PARVG: variants seen among roughly 807,000 people sequenced by gnomAD.
PARVG encodes the protein parvin gamma, also known as gamma-parvin.
PARVG carries 36 observed loss-of-function variants against 44.4 expected under a neutral mutation model. The observed-to-expected ratio is 0.81, with a 90% CI of 0.62 to 1.07. PARVG has a LOEUF of 1.07. Among genes scored for constraint, PARVG ranks in the 50% least tolerant of loss-of-function variants. The pLI, the probability that PARVG is intolerant of heterozygous loss-of-function variation, is 0.00. For synonymous variants in PARVG, 170 were observed against 174.1 expected, an observed-to-expected ratio of 0.98 and a Z score of 0.19; for missense variants, 407 against 407.4, an observed-to-expected ratio of 1.00 and a Z score of 0.01.
chr22:44,175,696 G>C (rs898200639), intron 1 of PARVG, among the ~76,000 whole-genome samples: 2 of 152,158 alleles, frequency 1.3e-5, no homozygotes, highest in African/African-American at 4.8e-5. Flanking sequence ...GGGGGGTGGG[G>C]GTGTGCTAGG....
chr22:44,174,524 T>A (rs1252400069), intron 1 of PARVG, among the ~76,000 whole-genome samples: 1 of 150,192 alleles, frequency 6.7e-6, no homozygotes, highest in African/African-American at 2.5e-5. Flanking sequence ...CTGGCCAACA[T>A]GACAAAACCC....
upstream of PARVG, among the ~76,000 whole-genome samples, chr22:44,179,681 A>T (rs2054351479): frequency 6.6e-6 from 1 of 152,224 alleles, no homozygotes; most frequent in East Asian, 1.9e-4. This position sits in a 1 kb window ranked among gnomAD's most constrained non-coding sequence, Gnocchi z 4.2. Flanking sequence ...ATCAACCAGA[A>T]CAAGTAACCA....
chr22:44,184,497 C>A (rs112493855), intron 3 of PARVG: 1 of 152,202 alleles, frequency 6.6e-6, no homozygotes, highest in Non-Finnish European at 1.5e-5. Flanking sequence ...TGCCACCACA[C>A]CTGGCTAATT....
chr22:44,176,559 G>A (rs1375082267), upstream of PARVG, among the ~76,000 whole-genome samples: 1 of 150,724 alleles, frequency 6.6e-6, no homozygotes, highest in Non-Finnish European at 1.5e-5. Context: ...AGCATCTGAA[G>A]GAGCAATGTG....
intron 7 of PARVG, 35 bp from the exon 8 acceptor site, chr22:44,192,014 G>C: frequency 6.2e-7 from 1 of 1,611,396 alleles, no homozygotes; most frequent in Non-Finnish European, 8.5e-7. Context: ...GAGTTTTCTG[G>C]ATTATTTAAT....
intron 12 of PARVG, among the ~76,000 whole-genome samples, chr22:44,201,767 C>T (rs1431486752): frequency 6.6e-6 from 1 of 152,204 alleles, no homozygotes; most frequent in Non-Finnish European, 1.5e-5. Context: ...TTTGTCACTC[C>T]TCCGAGGACT....
intron 2 of PARVG, 45 bp from the exon 3 acceptor site, chr22:44,183,272 TG>T (rs2054411352): frequency 6.5e-7 from 1 of 1,534,090 alleles, no homozygotes; most frequent in Non-Finnish European, 8.8e-7. Context: ...TCAGTGAGTT[TG>T]GGGCTTCTCA....
chr22:44,188,733 A>G (rs761386330), intron 5 of PARVG: 18 of 223,962 alleles, frequency 8.0e-5, no homozygotes, highest in Non-Finnish European at 1.4e-4. Context: ...ATAGAAGCCT[A>G]GGAGTGTAGG....
intron 9 of PARVG, among the ~76,000 whole-genome samples, chr22:44,194,469 A>C (rs1437358505): frequency 2.0e-5 from 3 of 151,988 alleles, no homozygotes; most frequent in Non-Finnish European, 2.9e-5. Flanking sequence ...CTATCTACTT[A>C]CCCACTTATC....
rs764001099 is a variant in PARVG, at chr22:44,187,840, A to G, written c.209A>G (p.Glu70Gly). Residue 70 changes from glutamate to glycine, a missense_variant, in exon 5 of 14, where the codon GAG (glutamate) becomes GGG (glycine). Glu to Gly is a moderately conservative substitution (Grantham distance 98). Coordinates refer to ENST00000444313, the MANE Select transcript of PARVG (RefSeq NM_022141.7). ...PEHIVVRSLE[E>G]DMFDGLILHH... ...CACATTGTGGTCCGCAGCCTGGAGGAGGACATGTTCGACGGGCTCATCCTA... is the reference window on the plus strand; with the variant it reads ...CACATTGTGGTCCGCAGCCTGGAGGGGGACATGTTCGACGGGCTCATCCTA... The G allele has an allele frequency of 6.2e-7, 1 of 1,614,222 alleles. No homozygotes were observed. Among genetic ancestry groups the G allele is most frequent in the Non-Finnish European group, 8.5e-7 (1 of 1,180,036 alleles).
chr22:44,204,089 C>T (rs2054746707), intron 12 of PARVG, among the ~76,000 whole-genome samples: 1 of 152,196 alleles, frequency 6.6e-6, no homozygotes, highest in Non-Finnish European at 1.5e-5. Context: ...AGGTGATCTG[C>T]CCACTTTGGC....
At chr22:44,175,519 T>C (rs948101606) in intron 1 of PARVG, among the ~76,000 whole-genome samples, 1 of 152,256 alleles carries the variant, frequency 6.6e-6, no homozygotes, top group Non-Finnish European at 1.5e-5. Flanking sequence ...ACCCACTCTT[T>C]GGGGTTTAAA....
chr22:44,184,846 G>T (rs1297122704), intron 3 of PARVG: 1 of 152,184 alleles, frequency 6.6e-6, no homozygotes, highest in Non-Finnish European at 1.5e-5. Flanking sequence ...GTAGGACTTA[G>T]TTACTACCAA....
chr22:44,201,188 C>T (rs1337603780), intron 12 of PARVG, among the ~76,000 whole-genome samples: 1 of 152,196 alleles, frequency 6.6e-6, no homozygotes, highest in Non-Finnish European at 1.5e-5. Context: ...TCTGCAGTCC[C>T]TCGGCGCTCT....
At chr22:44,186,718 T>C in intron 4 of PARVG, 2 of 465,936 alleles carry the variant, frequency 4.3e-6, no homozygotes, top group South Asian at 1.6e-5. Context: ...ATGCCAGTAG[T>C]TGAGTTGGGA....
intron 9 of PARVG, 100 bp downstream of exon 9, chr22:44,193,923 C>T: frequency 7.0e-7 from 1 of 1,431,024 alleles, no homozygotes; most frequent in Non-Finnish European, 9.8e-7. Context: ...TCTCTCATTT[C>T]CCTGTCACTT....
chr22:44,190,658 A>G lies in PARVG; in HGVS notation c.496A>G (p.Thr166Ala). ...AACCAACGTCCAGGTGGAGGTCATC[A>G]CTATCGAGGTAGCAGCCTGGGCCCC... Reference protein sequence around the residue: ...LPTNVQVEVITIESTKSGLKS... With the variant: ...LPTNVQVEVIAIESTKSGLKS... Residue 166 changes from threonine (T) to alanine (A), a missense_variant, in exon 7 of 14, where the codon ACT becomes GCT. Thr to Ala is a moderately conservative substitution (Grantham distance 58, BLOSUM62 0). Transcript: ENST00000444313. The G allele has an allele frequency of 6.2e-7, 1 of 1,611,852 alleles. No individual in the cohort carries two copies. The highest frequency in any genetic ancestry group is 8.5e-7 in the Non-Finnish European group (1 of 1,177,920).
chr22:44,192,347 G>C (rs1196670641), intron 8 of PARVG, among the ~76,000 whole-genome samples: 1 of 152,226 alleles, frequency 6.6e-6, no homozygotes, highest in Non-Finnish European at 1.5e-5. Flanking sequence ...TGTTTTCTAG[G>C]GTGGGGGCCC....
rs2147224735 is a variant in PARVG at position 44,188,049 on chromosome 22, A to G, written c.247+171A>G. On this transcript the variant is annotated intron_variant, in intron 5 of 13. Transcript: ENST00000444313. ...GGCTGGGGAGATGGAGGCGCTGTCC[A>G]CAGCCCATGAGTGAGGGGGCCGAGC... 4.3e-6 allele frequency: 3 copies of G among 699,586 alleles called. No homozygotes were observed. In the South Asian group the frequency reaches 5.3e-5, roughly 12 times the overall value. 43.3% of individuals were successfully genotyped at this position (699,586 alleles called of 1,614,324 possible). A position where few individuals can be genotyped will look rare whatever the true frequency, so the allele number is the denominator to read the frequency against.
Sources: allele counts gnomAD v4.1 joint callset (sites outside exome capture counted in the v4.1 genomes callset), GRCh38; gene constraint gnomAD v4.1.1; non-coding constraint Gnocchi (gnomAD v3.1); transcripts MANE v1.5; gene names NCBI Gene and HGNC (gene_info 2026-07-23, HGNC 2026-07-21).